The following STPG2 variants were observed in gnomAD, a reference collection of about 807,000 sequenced individuals.
STPG2 encodes sperm-tail PG-rich repeat-containing protein 2.
Under a neutral mutation model 54.2 loss-of-function variants are expected in STPG2, and 56 were observed. The observed-to-expected ratio is 1.03, with a 90% CI of 0.83 to 1.29. The LOEUF (loss-of-function observed/expected upper bound fraction) is 1.29, where lower values mean the gene tolerates loss of function less well. Ranked by LOEUF, STPG2 falls within the 50% of genes most tolerant of loss-of-function variation. The pLI is 0.00. For missense variants in STPG2, 596 were observed against 544.9 expected, an observed-to-expected ratio of 1.09 and a Z score of -0.93; for synonymous variants, 200 against 181.8, an observed-to-expected ratio of 1.10 and a Z score of -0.81.
chr4:97,553,010 C>CT (rs1243075388), intron 4 of STPG2, among the ~76,000 whole-genome samples: 1 of 152,126 alleles, frequency 6.6e-6, no homozygotes, highest in East Asian at 1.9e-4. Flanking sequence ...TCACAAGACT[C>CT]TTTTCCATGG....
At position 97,991,875 on chromosome 4, in the gene STPG2, CAT is replaced by C. The variant is rs557397540; in HGVS notation, c.613-10559_613-10558del. Reference sequence around the variant, plus strand: ...CAATTATTGATGTTCAGCATTTTTTCATATGTTTGTTGGCCCTTTGTATATCT... The same window carrying C: ...CAATTATTGATGTTCAGCATTTTTTCATGTTTGTTGGCCCTTTGTATATCT... On this transcript the variant is annotated intron_variant, in intron 5 of 10. Transcript: ENST00000295268. Among the ~76,000 whole-genome samples the C allele has an allele frequency of 1.1e-3, 162 of 152,120 alleles. 1 individual carries two copies. The highest frequency in any genetic ancestry group is 8.7e-3 in the South Asian group (42 of 4,820).
chr4:97,976,415 C>A (rs1279549038), intron 6 of STPG2, among the ~76,000 whole-genome samples: 1 of 152,214 alleles, frequency 6.6e-6, no homozygotes, highest in East Asian at 1.9e-4. Flanking sequence ...GGGCTAGGGA[C>A]CTCAGACATA....
chr4:97,472,429 G>A (rs576076440), intron 4 of STPG2, among the ~76,000 whole-genome samples: 1 of 152,306 alleles, frequency 6.6e-6, no homozygotes, highest in East Asian at 1.9e-4. Context: ...AGCAGGGAAA[G>A]GGGAAAAGGA....
chr4:97,912,986 A>G (rs1268777799), intron 8 of STPG2, among the ~76,000 whole-genome samples: 1 of 152,238 alleles, frequency 6.6e-6, no homozygotes, highest in Non-Finnish European at 1.5e-5. Context: ...AGGACCTGAT[A>G]GCTTCTAACA....
At chr4:97,858,977 C>A (rs1729420763) in intron 8 of STPG2, among the ~76,000 whole-genome samples, 1 of 152,190 alleles carries the variant, frequency 6.6e-6, no homozygotes, top group African/African-American at 2.4e-5. Context: ...CTCCATACTA[C>A]TTTCCATAGT....
At chr4:97,708,355 C>G (rs1041810037) in intron 10 of STPG2, among the ~76,000 whole-genome samples, 2 of 151,656 alleles carry the variant, frequency 1.3e-5, no homozygotes, top group Non-Finnish European at 2.9e-5. Flanking sequence ...AAAATAATTT[C>G]TAAAAAAATT....
At chr4:97,837,875 T>G (rs889696319) in intron 9 of STPG2, among the ~76,000 whole-genome samples, 1 of 151,664 alleles carries the variant, frequency 6.6e-6, no homozygotes, top group African/African-American at 2.4e-5. Flanking sequence ...TATTCACATA[T>G]GCATCAACTT....
At chr4:97,797,739 C>G (rs548275325) in intron 9 of STPG2, among the ~76,000 whole-genome samples, 1 of 152,022 alleles carries the variant, frequency 6.6e-6, no homozygotes, top group Non-Finnish European at 1.5e-5. Flanking sequence ...TTTCTATTGA[C>G]TGGAATAGTT....
chr4:98,014,900 T>C (rs1735886553), intron 5 of STPG2, among the ~76,000 whole-genome samples: 1 of 152,174 alleles, frequency 6.6e-6, no homozygotes, highest in South Asian at 2.1e-4. Context: ...TTGACATTTT[T>C]TTTCTTTCAG....
intron 4 of STPG2, among the ~76,000 whole-genome samples, chr4:97,496,381 C>G (rs1004583313): frequency 5.9e-5 from 9 of 151,648 alleles, no homozygotes; most frequent in African/African-American, 2.2e-4. Context: ...TTATTAAACA[C>G]ACTCCCCAAG....
intron 9 of STPG2, among the ~76,000 whole-genome samples, chr4:97,746,056 C>CT (rs1183511552): frequency 6.6e-6 from 1 of 150,960 alleles, no homozygotes; most frequent in Non-Finnish European, 1.5e-5. Context: ...ACGTTATAAC[C>CT]TTTACATCAG....
chr4:97,543,740 A>G (rs1731772096), intron 4 of STPG2, among the ~76,000 whole-genome samples: 1 of 152,120 alleles, frequency 6.6e-6, no homozygotes, highest in South Asian at 2.1e-4. Flanking sequence ...ATTCTACAGC[A>G]CAATAAATTG....
intron 5 of STPG2, among the ~76,000 whole-genome samples, chr4:98,028,158 C>T (rs1343776663): frequency 1.3e-5 from 2 of 152,196 alleles, no homozygotes; most frequent in African/African-American, 4.8e-5. Context: ...GATAATTCAA[C>T]CACAACCTCA....
intron 6 of STPG2, among the ~76,000 whole-genome samples, chr4:97,974,583 A>G (rs1394796654): frequency 6.6e-6 from 1 of 152,146 alleles, no homozygotes; most frequent in African/African-American, 2.4e-5. Context: ...TAATTGAATC[A>G]CGGGGGTGGG....
chr4:97,740,421 T>C (rs1489097456), intron 9 of STPG2, among the ~76,000 whole-genome samples: 1 of 152,132 alleles, frequency 6.6e-6, no homozygotes, highest in Non-Finnish European at 1.5e-5. Context: ...GAAGTCAAAT[T>C]GTCCCTGTTT....
chr4:97,632,868 T>G (rs1721337513), intron 10 of STPG2, among the ~76,000 whole-genome samples: 1 of 152,276 alleles, frequency 6.6e-6, no homozygotes, highest in African/African-American at 2.4e-5. Flanking sequence ...TAACATGACC[T>G]CAGACATTAT....
At chr4:97,856,791 G>C (rs1729351895) in intron 8 of STPG2, among the ~76,000 whole-genome samples, 1 of 152,092 alleles carries the variant, frequency 6.6e-6, no homozygotes, top group African/African-American at 2.4e-5. Flanking sequence ...TATTGGCTGT[G>C]GGTTTGTCAT....
At chr4:98,043,061 T>C (rs1737014515) in intron 5 of STPG2, among the ~76,000 whole-genome samples, 1 of 152,090 alleles carries the variant, frequency 6.6e-6, no homozygotes, top group Non-Finnish European at 1.5e-5. Context: ...CCTACTGAAT[T>C]GACCCTTTCA....
At chr4:98,061,621 A>T (rs1014954444) in intron 5 of STPG2, among the ~76,000 whole-genome samples, 1 of 152,136 alleles carries the variant, frequency 6.6e-6, no homozygotes, top group Admixed American at 6.6e-5. Context: ...AAAAAATTTT[A>T]AAAAGTGAGC....
Sources: allele counts gnomAD v4.1 joint callset (sites outside exome capture counted in the v4.1 genomes callset), GRCh38; gene constraint gnomAD v4.1.1; transcripts MANE v1.5; gene names NCBI Gene and HGNC (gene_info 2026-07-23, HGNC 2026-07-21).